Variants in TRPS1 observed in about 807,000 individuals in gnomAD.
TRPS1 encodes the protein zinc finger transcription factor Trps1.
TRPS1 carries 6 observed loss-of-function variants against 101.2 expected under a neutral mutation model. The observed-to-expected ratio is 0.06, with a 90% CI of 0.03 to 0.12. TRPS1 has a LOEUF of 0.12. Among genes scored for constraint, TRPS1 ranks in the 10% least tolerant of loss-of-function variants. The pLI is 1.00. For missense variants in TRPS1, 1,363 were observed against 1,567.0 expected, an observed-to-expected ratio of 0.87 and a Z score of 2.20; for synonymous variants, 578 against 589.8, an observed-to-expected ratio of 0.98 and a Z score of 0.29.
intron 5 of TRPS1, among the ~76,000 whole-genome samples, chr8:115,428,549 T>C (rs1158295967): frequency 6.6e-6 from 1 of 152,224 alleles, no homozygotes; most frequent in South Asian, 2.1e-4. Flanking sequence ...CATACGGGAA[T>C]ACATGAGTTA....
At chr8:115,460,389 T>G (rs996381603) in intron 5 of TRPS1, among the ~76,000 whole-genome samples, 6 of 152,120 alleles carry the variant, frequency 3.9e-5, no homozygotes, top group Non-Finnish European at 8.8e-5. Context: ...CAGATTAAGA[T>G]TGATATTTGA....
At chr8:115,531,530 T>C (rs952703560) in intron 5 of TRPS1, among the ~76,000 whole-genome samples, 2 of 151,846 alleles carry the variant, frequency 1.3e-5, no homozygotes, top group Admixed American at 6.6e-5. Context: ...CAGAAATAAA[T>C]AGATTGGTAG....
At chr8:115,443,266 T>C (rs1199799530) in intron 5 of TRPS1, among the ~76,000 whole-genome samples, 6 of 152,124 alleles carry the variant, frequency 3.9e-5, no homozygotes, top group Non-Finnish European at 8.8e-5. Context: ...TGAGACTGTC[T>C]CCTTGAAAAG....
chr8:115,426,269 G>T (rs1813184348), intron 5 of TRPS1, among the ~76,000 whole-genome samples: 1 of 152,044 alleles, frequency 6.6e-6, no homozygotes, highest in African/African-American at 2.4e-5. Context: ...CAGCACAAGA[G>T]TTGATTCTTC....
intron 5 of TRPS1, among the ~76,000 whole-genome samples, chr8:115,542,389 T>C (rs1816474133): frequency 6.6e-6 from 1 of 152,128 alleles, no homozygotes; most frequent in Non-Finnish European, 1.5e-5. Flanking sequence ...CTTTCCGAAA[T>C]ATTTATATCC....
At chr8:115,613,644 C>G (rs574670125) in intron 3 of TRPS1, among the ~76,000 whole-genome samples, 1 of 152,282 alleles carries the variant, frequency 6.6e-6, no homozygotes, top group South Asian at 2.1e-4. Flanking sequence ...TTAATATATG[C>G]TGTTTCCTTA....
chr8:115,635,345 T>C (rs1479817633), intron 1 of TRPS1, among the ~76,000 whole-genome samples: 3 of 152,246 alleles, frequency 2.0e-5, no homozygotes, highest in African/African-American at 7.2e-5. Flanking sequence ...AGCACTCATT[T>C]TGCACTAAAT....
At chr8:115,475,690 G>A (rs987810111) in intron 5 of TRPS1, among the ~76,000 whole-genome samples, 3 of 152,036 alleles carry the variant, frequency 2.0e-5, no homozygotes, top group African/African-American at 4.8e-5. Flanking sequence ...GTGCTATCTC[G>A]ACGATTACAA....
intron 1 of TRPS1, among the ~76,000 whole-genome samples, chr8:115,664,803 A>G (rs1054208804): frequency 6.6e-6 from 1 of 152,182 alleles, no homozygotes; most frequent in East Asian, 1.9e-4. Context: ...CTAAAAACAG[A>G]TGCAGACTAC....
In TRPS1 at chr8:115,535,186, G is replaced by A. The variant is rs950015919; in HGVS notation, c.2700+51815C>T. ...CATATGTATTGCATATATAGCATAT[G>A]TATAGCATATATATAGCATATGTAT... On this transcript the variant is annotated intron_variant, in intron 5 of 6. Transcript: ENST00000395715. Among the ~76,000 whole-genome samples the A allele has an allele frequency of 5.3e-4, 73 of 137,836 alleles. 1 individual carries two copies. The highest frequency in any genetic ancestry group is 1.9e-3 in the African/African-American group (68 of 36,348). The allele number at this position is 137,836 out of a possible 152,430, so 90.4% of individuals were successfully genotyped here.
At chr8:115,512,694 T>C (rs1815615997) in intron 5 of TRPS1, among the ~76,000 whole-genome samples, 1 of 151,656 alleles carries the variant, frequency 6.6e-6, no homozygotes, top group South Asian at 2.1e-4. Flanking sequence ...CTCTTAGATT[T>C]TGGTCAAAAC....
intron 5 of TRPS1, among the ~76,000 whole-genome samples, chr8:115,507,146 T>C (rs1394762592): frequency 6.6e-6 from 1 of 152,074 alleles, no homozygotes; most frequent in Non-Finnish European, 1.5e-5. Flanking sequence ...GCTCCAAGGT[T>C]GAGCTAAAGA....
rs556680858 is a variant in TRPS1, at chr8:115,463,069, G to A, written c.2701-44617C>T. On this transcript the variant is annotated intron_variant, in intron 5 of 6. Transcript: ENST00000395715. ...TGTTGCTGTGAGAGGAAATAAAATC[G>A]TCTTTATAACAAAACTTTGTGAGAG... Among the ~76,000 whole-genome samples, 207 of 152,194 alleles carry A rather than the reference G, an allele frequency of 1.4e-3. 1 individual carries two copies. The highest frequency in any genetic ancestry group is 4.7e-3 in the African/African-American group (195 of 41,518).
intron 5 of TRPS1, among the ~76,000 whole-genome samples, chr8:115,475,768 T>C (rs1164310751): frequency 1.3e-5 from 2 of 152,110 alleles, no homozygotes; most frequent in Non-Finnish European, 2.9e-5. Flanking sequence ...CTTCATACTA[T>C]CAATTACAAA....
Position 115,604,604 on chromosome 8 carries a change from G to C in TRPS1, c.1365C>G (p.Ser455Arg), listed in dbSNP as rs775728176. The C allele has an allele frequency of 6.2e-7, 1 of 1,613,932 alleles. No homozygotes were observed. Among genetic ancestry groups the C allele is most frequent in the African/African-American group, 1.3e-5 (1 of 74,916 alleles). Reference protein sequence around the residue: ...SYYWCKFCSFSCESSSSLKLL... With the variant: ...SYYWCKFCSFRCESSSSLKLL... ...GTTTAAGTGAGCTAGATGACTCACAGCTGAAACTACAAAATTTACACCAGT... is the reference window on the plus strand; with the variant it reads ...GTTTAAGTGAGCTAGATGACTCACACCTGAAACTACAAAATTTACACCAGT... The change falls in exon 4 of 7, where the codon AGC becomes AGG. Residue 455 changes from serine to arginine, a missense_variant. Ser to Arg is a moderately radical substitution (Grantham distance 110). Around this residue, in one of 5 missense-constraint regions of TRPS1, gnomAD observed 1,020 missense variants for 1,073.0 expected, o/e 0.95. Transcript: ENST00000395715. This position sits in a 1 kb window ranked among gnomAD's most constrained non-coding sequence, Gnocchi z 4.1.
rs111633277 is a variant in TRPS1, at chr8:115,444,405, T to G, written c.2701-25953A>C. Among the ~76,000 whole-genome samples the G allele has an allele frequency of 7.1e-3, 1,089 of 152,342 alleles. 12 individuals carry two copies. Among genetic ancestry groups the G allele is most frequent in the African/African-American group, 0.022 (910 of 41,578 alleles). On this transcript the variant is annotated intron_variant, in intron 5 of 6. Transcript: ENST00000395715. The stretch of plus-strand genomic sequence containing the variant: ...AATACATTTTCGTTAAATAAATAAA[T>G]GAAGAGTGAATCCAACTGATGTACG...
chr8:115,488,911 C>G (rs1218247518), intron 5 of TRPS1, among the ~76,000 whole-genome samples: 1 of 152,068 alleles, frequency 6.6e-6, no homozygotes, highest in East Asian at 1.9e-4. Context: ...TAGTTCAATA[C>G]TTTCAAAACG....
At chr8:115,633,545 A>G (rs906132792) in intron 1 of TRPS1, among the ~76,000 whole-genome samples, 3 of 152,146 alleles carry the variant, frequency 2.0e-5, no homozygotes, top group African/African-American at 7.2e-5. Context: ...TGGCTCACGT[A>G]ATTTCCCCAG....
chr8:115,629,370 A>G (rs1029131067), intron 1 of TRPS1, among the ~76,000 whole-genome samples: 2 of 151,902 alleles, frequency 1.3e-5, no homozygotes, highest in Non-Finnish European at 2.9e-5. Context: ...AGAGCATTAC[A>G]GATAGAACAT....
Sources: gnomAD v4.1 joint callset for allele counts (sites outside exome capture counted in the v4.1 genomes callset) on GRCh38, gnomAD v4.1.1 for gene constraint, gnomAD v4.1.1 regional missense constraint, Gnocchi (gnomAD v3.1) non-coding constraint, MANE v1.5 for transcripts, NCBI Gene and HGNC (gene_info 2026-07-23, HGNC 2026-07-21) for gene names.